Variants in LRP1B observed in about 807,000 individuals in gnomAD.
LRP1B encodes the protein low-density lipoprotein receptor-related protein 1B.
In LRP1B, 217 loss-of-function variants were observed where a neutral mutation model predicts 556.6. That is an observed-to-expected ratio of 0.39 (90% CI 0.35 to 0.44). The LOEUF is 0.44. LRP1B is among the 20% of genes least tolerant of loss of function. LRP1B has a pLI of 1.00. For synonymous variants in LRP1B, 2,047 were observed against 1,865.8 expected, an observed-to-expected ratio of 1.10 and a Z score of -2.50; for missense variants, 5,053 against 5,620.8, an observed-to-expected ratio of 0.90 and a Z score of 3.23.
At chr2:140,335,029 T>C (rs1487352876) in intron 78 of LRP1B, among the ~76,000 whole-genome samples, 1 of 152,030 alleles carries the variant, frequency 6.6e-6, no homozygotes, top group East Asian at 1.9e-4. Flanking sequence ...AAGTATAAGT[T>C]GTCTCTTTTT....
intron 1 of LRP1B, among the ~76,000 whole-genome samples, chr2:142,051,174 C>T (rs1399688290): frequency 2.0e-5 from 3 of 151,924 alleles, no homozygotes; most frequent in Admixed American, 1.3e-4. Context: ...CCAAGTAGTG[C>T]CTTTCTAACA....
At chr2:140,478,845 T>C (rs573391745) in intron 59 of LRP1B, among the ~76,000 whole-genome samples, 14 of 152,198 alleles carry the variant, frequency 9.2e-5, no homozygotes, top group African/African-American at 3.1e-4. Flanking sequence ...GATAAGTATG[T>C]AGCAAGTGTT....
At chr2:141,925,076 T>A (rs1293099706) in intron 1 of LRP1B, among the ~76,000 whole-genome samples, 1 of 152,166 alleles carries the variant, frequency 6.6e-6, no homozygotes, top group African/African-American at 2.4e-5. Context: ...GGAATAGATA[T>A]AACAATGGCA....
At chr2:141,807,879 G>A (rs562271503) in intron 2 of LRP1B, among the ~76,000 whole-genome samples, 1 of 152,026 alleles carries the variant, frequency 6.6e-6, no homozygotes, top group Non-Finnish European at 1.5e-5. Flanking sequence ...TGGTACACTG[G>A]TGTGGGCCTT....
At chr2:142,018,738 A>G (rs1703232664) in intron 1 of LRP1B, among the ~76,000 whole-genome samples, 1 of 151,756 alleles carries the variant, frequency 6.6e-6, no homozygotes, top group Non-Finnish European at 1.5e-5. Context: ...GAACTGAATA[A>G]TTGCTGAATT....
chr2:140,421,656 A>C (rs112937392), intron 66 of LRP1B, among the ~76,000 whole-genome samples: 1,722 of 152,336 alleles, frequency 0.011, 36 homozygotes, highest in African/African-American at 0.04. Context: ...GTGCTCAAGA[A>C]ATAGACAAAG....
At chr2:141,880,231 CTG>C (rs1433817226) in intron 1 of LRP1B, among the ~76,000 whole-genome samples, 1 of 151,912 alleles carries the variant, frequency 6.6e-6, no homozygotes, top group African/African-American at 2.4e-5. Context: ...GGGAACTTGT[CTG>C]TCTTAGTCAT....
rs141301775 is a variant in LRP1B at position 141,288,814 on chromosome 2, T to C, written c.344-34173A>G. Among the ~76,000 whole-genome samples the C allele has an allele frequency of 4.2e-3, 633 of 152,338 alleles. 3 individuals carry two copies. Among genetic ancestry groups the C allele is most frequent in the African/African-American group, 0.014 (563 of 41,570 alleles). On this transcript the variant is annotated intron_variant, in intron 3 of 90. Transcript: ENST00000389484. ...AAGAGGCGTTTGTATTCTTATGGTCTGCCTCTGAAACTTCCCTTCATATTT... is the reference window on the plus strand; with the variant it reads ...AAGAGGCGTTTGTATTCTTATGGTCCGCCTCTGAAACTTCCCTTCATATTT...
At chr2:141,838,029 G>A (rs1050305707) in intron 1 of LRP1B, among the ~76,000 whole-genome samples, 4 of 152,062 alleles carry the variant, frequency 2.6e-5, no homozygotes, top group Non-Finnish European at 5.9e-5. Context: ...GTAGGGTCCC[G>A]TGGGTTTAGC....
intron 7 of LRP1B, among the ~76,000 whole-genome samples, chr2:141,138,130 T>G (rs1701536447): frequency 6.6e-6 from 1 of 151,966 alleles, no homozygotes; most frequent in Non-Finnish European, 1.5e-5. Context: ...TGCAGGGTTG[T>G]TTTGTATTAG....
chr2:141,387,591 A>G (rs1475199450), intron 3 of LRP1B, among the ~76,000 whole-genome samples: 4 of 152,156 alleles, frequency 2.6e-5, no homozygotes, highest in Non-Finnish European at 4.4e-5. Flanking sequence ...TAGGCACACA[A>G]ATTACCAAAG....
At chr2:142,046,116 C>T (rs1382991649) in intron 1 of LRP1B, among the ~76,000 whole-genome samples, 1 of 151,854 alleles carries the variant, frequency 6.6e-6, no homozygotes, top group Admixed American at 6.6e-5. Context: ...CTTCTTAACC[C>T]AGTTTCTCCT....
rs1574051916 is a variant in LRP1B at position 141,532,155 on chromosome 2, A to G, written c.206-51622T>C. On this transcript the variant is annotated intron_variant, in intron 2 of 90. Transcript: ENST00000389484. ...TTGTATTGTTGGCATCTGAACATCC[A>G]TTAAACAGATAATCACATCAATATC... Among the ~76,000 whole-genome samples the G allele has an allele frequency of 3.3e-5, 5 of 152,340 alleles. No individual in the cohort carries two copies. In the South Asian group the frequency reaches 8.3e-4, roughly 25 times the overall value.
chr2:140,742,381 T>C (rs1471354284), intron 35 of LRP1B, among the ~76,000 whole-genome samples: 1 of 152,192 alleles, frequency 6.6e-6, no homozygotes, highest in Admixed American at 6.5e-5. Flanking sequence ...AAGTCAATCA[T>C]TATTATCATT....
chr2:140,477,873 C>T (rs1375893512), intron 59 of LRP1B, among the ~76,000 whole-genome samples: 1 of 152,104 alleles, frequency 6.6e-6, no homozygotes, highest in East Asian at 1.9e-4. Flanking sequence ...CTCCAAATTA[C>T]TCCCCACTTA....
At chr2:140,454,694 G>A (rs901043579) in intron 62 of LRP1B, among the ~76,000 whole-genome samples, 1 of 152,078 alleles carries the variant, frequency 6.6e-6, no homozygotes, top group African/African-American at 2.4e-5. Context: ...TTCTTTCAGG[G>A]TGAGTTAGGT....
At chr2:141,952,071 G>C (rs574795524) in intron 1 of LRP1B, among the ~76,000 whole-genome samples, 4 of 141,194 alleles carry the variant, frequency 2.8e-5, no homozygotes, top group Non-Finnish European at 4.5e-5. Context: ...TCATTGTTCA[G>C]TTCCCACCTA....
At chr2:140,496,834 G>T (rs947451064) in intron 55 of LRP1B, among the ~76,000 whole-genome samples, 5 of 151,848 alleles carry the variant, frequency 3.3e-5, no homozygotes, top group Non-Finnish European at 7.4e-5. Flanking sequence ...TTTCTGAGTT[G>T]TCAAAAGTAA....
intron 41 of LRP1B, among the ~76,000 whole-genome samples, chr2:140,647,190 C>CT (rs112174229): frequency 0.042 from 6,360 of 151,958 alleles, 163 homozygotes; most frequent in Middle Eastern, 0.066. Flanking sequence ...CCTTTAAATG[C>CT]TTTTTTAAAA....
Sources: allele counts gnomAD v4.1 joint callset (sites outside exome capture counted in the v4.1 genomes callset), GRCh38; gene constraint gnomAD v4.1.1; transcripts MANE v1.5; gene names NCBI Gene and HGNC (gene_info 2026-07-23, HGNC 2026-07-21).